Variants in F8 observed in about 807,000 individuals in gnomAD.
The protein encoded by F8 is antihemophilic factor.
F8 carries 12 observed loss-of-function variants against 140.6 expected under a neutral mutation model. The observed-to-expected ratio is 0.09, with a 90% CI of 0.05 to 0.14. The LOEUF (loss-of-function observed/expected upper bound fraction) is 0.14. Ranked by LOEUF, F8 falls within the 10% of genes least tolerant of loss-of-function variation. The probability of loss-of-function intolerance (pLI) is 1.00; values close to 1 mark genes in which losing one functional copy is unlikely to be tolerated. For missense variants in F8, 1,354 were observed against 1,720.7 expected, an observed-to-expected ratio of 0.79 and a Z score of 3.77; for synonymous variants, 585 against 614.6, an observed-to-expected ratio of 0.95 and a Z score of 0.71.
chrX:154,901,180 A>G (rs1363068439), intron 20 of F8, among the ~76,000 whole-genome samples, 191 bp downstream of exon 20: 5 of 111,979 alleles, frequency 4.5e-5, no homozygotes, highest in Non-Finnish European at 9.4e-5. Context: ...TTGCCCAGGT[A>G]AGAAATGATG....
intron 13 of F8, among the ~76,000 whole-genome samples, chrX:154,946,982 T>C (rs1451011823): frequency 2.7e-5 from 3 of 110,779 alleles, no homozygotes; most frequent in Non-Finnish European, 5.7e-5. Context: ...TCCCAGCACT[T>C]TGGGAGGCCG....
Position 154,860,620 on chromosome X carries a change from A to C in F8, c.6724-12T>G. The C allele has an allele frequency of 1.7e-6, 2 of 1,208,959 alleles. No individual in the cohort carries two copies. The highest frequency in any genetic ancestry group is 2.2e-6 in the Non-Finnish European group (2 of 892,844). On this transcript the variant is annotated splice_polypyrimidine_tract_variant and intron_variant, in intron 24 of 25. Coordinates refer to ENST00000360256, the MANE Select transcript of F8 (RefSeq NM_000132.4). ...TTTGGATTATTCACCTGAGGGCAAT[A>C]GAGTTGGACTAGTAGCCTCTTGGTC...
chrX:154,892,548 C>A (rs1157363174), intron 22 of F8, among the ~76,000 whole-genome samples: 1 of 112,356 alleles, frequency 8.9e-6, no homozygotes, highest in Non-Finnish European at 1.9e-5. Context: ...AATATGTTAT[C>A]TCTGTGTTTC....
At chrX:154,870,954 C>A (rs1434758574) in intron 22 of F8, among the ~76,000 whole-genome samples, 1 of 111,567 alleles carries the variant, frequency 9.0e-6, no homozygotes, top group Non-Finnish European at 1.9e-5. Flanking sequence ...ACAATTGCTA[C>A]TAAGAAAATA....
At chrX:155,014,499 T>C (rs1033419169) in intron 1 of F8, among the ~76,000 whole-genome samples, 2 of 112,159 alleles carry the variant, frequency 1.8e-5, no homozygotes, top group Non-Finnish European at 1.9e-5. Flanking sequence ...TGTCTTTATT[T>C]GCAGACAACA....
Position 154,963,463 on chromosome X carries a change from T to A in F8, c.1444-2295A>T, listed in dbSNP as rs186899224. ...AATCAGTCTATCATTGTTGGATATT[T>A]GGGTTGGTTCCAAGTCTTTGCTATT... On this transcript the variant is annotated intron_variant, in intron 9 of 25. Transcript: ENST00000360256. Among the ~76,000 whole-genome samples, 6 of 112,002 alleles carry A rather than the reference T, an allele frequency of 5.4e-5. No homozygotes were observed. The East Asian group carries it at 1.1e-3, about 21-fold the overall frequency.
At position 154,940,016 on chromosome X, in the gene F8, C is replaced by T. The variant is rs79480141; in HGVS notation, c.2113+7682G>A. On this transcript the variant is annotated intron_variant, in intron 13 of 25. Coordinates refer to ENST00000360256, the MANE Select transcript of F8 (RefSeq NM_000132.4). ...CATCCACACCGAAAACCCATCTGTA[C>T]GTCACCATCATCAAAGACCAAAGGT... is the stretch of plus-strand genomic sequence containing the variant. Among the ~76,000 whole-genome samples the T allele has an allele frequency of 5.4e-5, 6 of 111,502 alleles. No individual in the cohort carries two copies. In the East Asian group the frequency reaches 8.4e-4, roughly 16 times the overall value.
intron 2 of F8, among the ~76,000 whole-genome samples, chrX:154,998,381 C>A (rs1028849174): frequency 8.8e-6 from 1 of 113,151 alleles, no homozygotes; most frequent in Non-Finnish European, 1.9e-5. Context: ...AAGGTAGGAG[C>A]AAGTGGAAAG....
At chrX:154,878,334 C>A (rs1196448294) in intron 22 of F8, among the ~76,000 whole-genome samples, 1 of 106,444 alleles carries the variant, frequency 9.4e-6, no homozygotes, top group Non-Finnish European at 1.9e-5. Context: ...CCAGTCAACT[C>A]CACATTAATA....
Position 154,942,273 on chromosome X carries a change from G to C in F8, c.2113+5425C>G, listed in dbSNP as rs1357583461. Among the ~76,000 whole-genome samples, 14 of 110,720 alleles carry C rather than the reference G, an allele frequency of 1.3e-4. No homozygotes were observed. In the South Asian group the frequency reaches 5.4e-3, roughly 42 times the overall value. On this transcript the variant is annotated intron_variant, in intron 13 of 25. Transcript: ENST00000360256. ...AACAGAATTGATAGACCGCTAGCAA[G>C]ACTAATAAAGAAGAAAAGAGAGAAG... is the stretch of plus-strand genomic sequence containing the variant.
intron 14 of F8, among the ~76,000 whole-genome samples, chrX:154,915,746 A>G (rs782166035): frequency 8.9e-6 from 1 of 112,069 alleles, no homozygotes; most frequent in African/African-American, 3.2e-5. Context: ...TCTAAATATA[A>G]CATTATATCG....
rs782676619 is a variant in F8 at position 155,009,491 on chromosome X, C to G, written c.144-9891G>C. Among the ~76,000 whole-genome samples, 3 of 111,472 alleles carry G rather than the reference C, an allele frequency of 2.7e-5. No individual in the cohort carries two copies. In the South Asian group the frequency reaches 1.1e-3, roughly 42 times the overall value. On this transcript the variant is annotated intron_variant, in intron 1 of 25. Transcript: ENST00000360256. ...ATGGCTCACATCTGTAATCCCAGCA[C>G]TTTGGGAGGCCGAGGCGGGAGGATC...
intron 13 of F8, among the ~76,000 whole-genome samples, chrX:154,944,406 A>G (rs1215792867): frequency 9.0e-6 from 1 of 111,473 alleles, no homozygotes; most frequent in Non-Finnish European, 1.9e-5. Flanking sequence ...GCAGCCAAAA[A>G]ACACATGAAA....
intron 25 of F8, among the ~76,000 whole-genome samples, chrX:154,844,201 G>A (rs1348953461): frequency 8.9e-6 from 1 of 111,874 alleles, no homozygotes; most frequent in Non-Finnish European, 1.9e-5. Flanking sequence ...TAGCCGTGTA[G>A]TATAGTTTGA....
intron 25 of F8, among the ~76,000 whole-genome samples, chrX:154,844,125 G>A (rs782296221): frequency 1.8e-5 from 2 of 111,003 alleles, no homozygotes; most frequent in African/African-American, 6.6e-5. Flanking sequence ...ACTTCTGAGG[G>A]CTCTGTTCTG....
chrX:154,966,136 T>A lies in F8; in HGVS notation c.1277A>T (p.Tyr426Phe). The A allele has an allele frequency of 3.3e-6, 4 of 1,208,421 alleles. No individual in the cohort carries two copies. Among genetic ancestry groups the A allele is most frequent in the Non-Finnish European group, 4.5e-6 (4 of 894,028 alleles). Residue 426 changes from tyrosine to phenylalanine, a missense_variant, in exon 9 of 26, where the codon TAT becomes TTT. This residue lies in a region of F8 where 252 missense variants were observed against 338.5 expected (regional missense o/e 0.74). Transcript: ENST00000360256. ...PLVLAPDDRS[Y>F]KSQYLNNGPQ... ...GCCATTGTTCAAATATTGACTTTTA[T>A]AACTTCTGTATAAGAGAAAAAAAGA...
chrX:154,993,286 T>G, intron 3 of F8, 138 bp from the exon 4 acceptor site: 2 of 545,813 alleles, frequency 3.7e-6, no homozygotes, highest in East Asian at 7.2e-5. Flanking sequence ...GTTGTTGTTT[T>G]GAGACGGAGT....
intron 22 of F8, among the ~76,000 whole-genome samples, chrX:154,864,917 AC>A (rs1346688329): frequency 9.0e-6 from 1 of 111,636 alleles, no homozygotes; most frequent in African/African-American, 3.3e-5. Flanking sequence ...GAGAAAGGAA[AC>A]TTATTTAAAG....
chrX:154,873,461 C>G (rs1313550648), intron 22 of F8, among the ~76,000 whole-genome samples: 3 of 111,612 alleles, frequency 2.7e-5, no homozygotes, highest in Non-Finnish European at 5.6e-5. Flanking sequence ...CTTCTGACCT[C>G]AAGTGATCCA....
Sources: gnomAD v4.1 joint callset for allele counts (sites outside exome capture counted in the v4.1 genomes callset) on GRCh38, gnomAD v4.1.1 for gene constraint, gnomAD v4.1.1 regional missense constraint, MANE v1.5 for transcripts, NCBI Gene and HGNC (gene_info 2026-07-23, HGNC 2026-07-21) for gene names.